SERPINA5: variants seen among roughly 807,000 people sequenced by gnomAD.
SERPINA5 encodes serpin family A member 5, also known as plasma serine protease inhibitor.
A neutral mutation model predicts 25.3 loss-of-function variants in SERPINA5; 25 were observed. The observed-to-expected ratio is 0.99, with a 90% confidence interval of 0.72 to 1.38. The LOEUF is 1.38. Among genes scored for constraint, SERPINA5 ranks in the 40% most tolerant of loss-of-function variants. The probability of loss-of-function intolerance (pLI) is 0.00; values close to 1 mark genes in which losing one functional copy is unlikely to be tolerated. For missense variants in SERPINA5, 599 were observed against 509.5 expected, an observed-to-expected ratio of 1.18 and a Z score of -1.69; for synonymous variants, 234 against 206.2, an observed-to-expected ratio of 1.14 and a Z score of -1.16.
Position 94,587,744 on chromosome 14 carries a change from A to C in SERPINA5, c.382A>C (p.Ser128Arg). ...CCAGCCCAGAGATGGCTTCCAGCTG[A>C]GCCTCGGCAATGCCCTTTTCACCGA... is the stretch of plus-strand genomic sequence containing the variant. ...LNQPRDGFQL[S>R]LGNALFTDLV... is the part of the protein sequence containing the mutation. The change falls in exon 3 of 6, where the codon AGC (serine) becomes CGC (arginine). Residue 128 changes from serine (S) to arginine (R), a missense_variant. Physicochemically the swap from Ser to Arg is moderately radical, Grantham distance 110 (BLOSUM62 -1). Coordinates refer to ENST00000329597, the MANE Select transcript of SERPINA5 (RefSeq NM_000624.6). The C allele has an allele frequency of 6.2e-7, 1 of 1,614,206 alleles. No individual in the cohort carries two copies. Among genetic ancestry groups the C allele is most frequent in the Non-Finnish European group, 8.5e-7 (1 of 1,180,044 alleles).
rs769779007 is a variant in SERPINA5, at chr14:94,592,145, G to A, written c.1127G>A (p.Arg376His). 4.4e-5 allele frequency: 71 copies of A among 1,613,992 alleles called. No homozygotes were observed. The highest frequency in any genetic ancestry group is 1.6e-4 in the South Asian group (15 of 91,082). ...ACAATATTCACTTTCAGGTCGGCCC[G>A]CCTGAACTCTCAGAGGCTAGTGTTC... ...TGTIFTFRSA[R>H]LNSQRLVFNR... Residue 376 changes from arginine (R) to histidine (H), a missense_variant, in exon 6 of 6, where the codon CGC becomes CAC. Physicochemically the swap from Arg to His is conservative, Grantham distance 29. Coordinates refer to ENST00000329597, the MANE Select transcript of SERPINA5 (RefSeq NM_000624.6).
intron 2 of SERPINA5, among the ~76,000 whole-genome samples, chr14:94,586,250 A>G (rs556209482): frequency 1.3e-5 from 2 of 152,224 alleles, no homozygotes; most frequent in Non-Finnish European, 2.9e-5. Context: ...GTGCCTCCTC[A>G]TCTGGAAGAT....
intron 2 of SERPINA5, among the ~76,000 whole-genome samples, chr14:94,583,020 T>G (rs945016909): frequency 3.3e-5 from 5 of 152,088 alleles, no homozygotes; most frequent in African/African-American, 1.2e-4. Flanking sequence ...GGACAGAACT[T>G]GCTGTGTTTG....
chr14:94,585,620 G>A (rs1885048523), intron 2 of SERPINA5, among the ~76,000 whole-genome samples: 1 of 152,158 alleles, frequency 6.6e-6, no homozygotes, highest in South Asian at 2.1e-4. Flanking sequence ...GGGATCTGGG[G>A]TCACTGATGA....
chr14:94,584,913 C>T (rs527982794), intron 2 of SERPINA5, among the ~76,000 whole-genome samples: 5 of 152,328 alleles, frequency 3.3e-5, no homozygotes, highest in East Asian at 1.9e-4. Flanking sequence ...AAGCACCCAC[C>T]TATGTCCTTC....
At chr14:94,583,947 A>G (rs1203866451) in intron 2 of SERPINA5, among the ~76,000 whole-genome samples, 1 of 152,234 alleles carries the variant, frequency 6.6e-6, no homozygotes, top group Non-Finnish European at 1.5e-5. Context: ...CCTGGATTTG[A>G]AACTAAGAAA....
At position 94,587,423 on chromosome 14, in the gene SERPINA5, C is replaced by A. The variant is rs183962439; in HGVS notation, c.61C>A (p.Arg21Ser). 1 of 1,613,988 alleles carries A rather than the reference C, an allele frequency of 6.2e-7. No homozygotes were observed. The highest frequency in any genetic ancestry group is 1.1e-5 in the South Asian group (1 of 91,074). The change falls in exon 3 of 6, where the codon CGC (arginine) becomes AGC (serine). Residue 21 changes from arginine (R) to serine (S), a missense_variant. Coordinates refer to ENST00000329597, the MANE Select transcript of SERPINA5 (RefSeq NM_000624.6). ...LLSPQGASLHRHHPREMKKRV... is the reference protein window; with the variant it reads ...LLSPQGASLHSHHPREMKKRV... Reference sequence around the variant, plus strand: ...CAGCCCTCAGGGGGCCTCCCTTCACCGCCACCACCCCCGGGAGATGAAGAA... The same window carrying A: ...CAGCCCTCAGGGGGCCTCCCTTCACAGCCACCACCCCCGGGAGATGAAGAA...
At chr14:94,591,616 C>CTTCTATTCTATTCTATTCTATTCTATT (rs1885305159) in intron 5 of SERPINA5, among the ~76,000 whole-genome samples, 1 of 21,524 alleles carries the variant, frequency 4.6e-5, no homozygotes, top group African/African-American at 1.8e-4. Context: ...TCTATTCTCT[C>CTTCTATTCTATTCTATTCTATTCTATT]CCTCTCCCTC....
Position 94,590,059 on chromosome 14 carries a change from T to G in SERPINA5, c.638T>G (p.Phe213Cys). The change falls in exon 4 of 6, where the codon TTC (phenylalanine) becomes TGC (cysteine). Residue 213 changes from phenylalanine (F) to cysteine (C), a missense_variant. By Grantham distance (205) the Phe-to-Cys change is radical. Transcript: ENST00000329597. ...IFFKAKWETS[F>C]NHKGTQEQDF... ...TCTTTAGCTAAGTGGGAGACAAGCT[T>G]CAACCACAAAGGCACCCAAGAGCAA... The G allele has an allele frequency of 6.3e-7, 1 of 1,586,084 alleles. No individual in the cohort carries two copies. The highest frequency in any genetic ancestry group is 8.6e-7 in the Non-Finnish European group (1 of 1,160,268).
chr14:94,585,283 G>A lies in SERPINA5; in HGVS notation c.-17-2063G>A, dbSNP rs542287123. On this transcript the variant is annotated intron_variant, in intron 2 of 5. Transcript: ENST00000329597. ...TGGCACAGTGCCTGAAAGAGGGTGC[G>A]GGCAATGCGCCCAACTGCTGTGGCT... 6.6e-5 allele frequency among the ~76,000 whole-genome samples: 10 copies of A among 152,254 alleles called. No individual in the cohort carries two copies. The South Asian group carries it at 1.0e-3, about 16-fold the overall frequency.
At chr14:94,583,121 C>T (rs1257499202) in intron 2 of SERPINA5, among the ~76,000 whole-genome samples, 1 of 152,192 alleles carries the variant, frequency 6.6e-6, no homozygotes, top group East Asian at 1.9e-4. Flanking sequence ...CACAGCAGCC[C>T]TAGTGGGTTA....
intron 3 of SERPINA5, among the ~76,000 whole-genome samples, chr14:94,588,481 C>T (rs1488220693): frequency 6.6e-6 from 1 of 152,140 alleles, no homozygotes; most frequent in African/African-American, 2.4e-5. Flanking sequence ...CAAGAGCTGA[C>T]CTCTGCTTAT....
At position 94,587,719 on chromosome 14, in the gene SERPINA5, C is replaced by T. The variant is rs113995240; in HGVS notation, c.357C>T (p.Asn119=). ...TTCAGCAGCTCCTTCAGGAACTCAA[C>T]CAGCCCAGAGATGGCTTCCAGCTGA... ...RGFQQLLQEL[N]QPRDGFQLSL... is the part of the protein sequence containing the mutation. Residue 119 remains asparagine, a synonymous_variant, in exon 3 of 6, where the codon AAC becomes AAT. Coordinates refer to ENST00000329597, the MANE Select transcript of SERPINA5 (RefSeq NM_000624.6). The T allele has an allele frequency of 3.4e-4, 553 of 1,614,228 alleles. 3 individuals carry two copies. In the African/African-American group the frequency reaches 5.9e-3, roughly 17 times the overall value.
chr14:94,592,112 C>T lies in SERPINA5; in HGVS notation c.1094C>T (p.Ala365Val), dbSNP rs372219406. Reference protein sequence around the residue: ...VDESGTRAAAATGTIFTFRSA... With the variant: ...VDESGTRAAAVTGTIFTFRSA... ...GAGTCGGGAACCAGAGCAGCGGCAGCCACGGGGACAATATTCACTTTCAGG... is the reference window on the plus strand; with the variant it reads ...GAGTCGGGAACCAGAGCAGCGGCAGTCACGGGGACAATATTCACTTTCAGG... The change falls in exon 6 of 6, where the codon GCC becomes GTC. Residue 365 changes from alanine to valine, a missense_variant. Ala to Val is a moderately conservative substitution (Grantham distance 64). Coordinates refer to ENST00000329597, the MANE Select transcript of SERPINA5 (RefSeq NM_000624.6). The T allele has an allele frequency of 4.9e-5, 79 of 1,614,018 alleles. No individual in the cohort carries two copies. The South Asian group carries it at 7.9e-4, about 16-fold the overall frequency.
At chr14:94,591,846 A>G (rs1885313631) in intron 5 of SERPINA5, among the ~76,000 whole-genome samples, 1 of 152,166 alleles carries the variant, frequency 6.6e-6, no homozygotes. Context: ...CAAAGATGCC[A>G]TGAGAATTCA....
chr14:94,592,077 G>A lies in SERPINA5; in HGVS notation c.1059G>A (p.Val353=). The part of the protein sequence containing the change: ...QVSEMVHKAV[V]EVDESGTRAA... ...TGCAGATGGTGCACAAAGCTGTGGT[G>A]GAGGTGGACGAGTCGGGAACCAGAG... Residue 353 remains valine, a synonymous_variant, in exon 6 of 6, where the codon GTG becomes GTA. Transcript: ENST00000329597. 1.9e-6 allele frequency: 3 copies of A among 1,613,514 alleles called. No homozygotes were observed. Among genetic ancestry groups the A allele is most frequent in the Non-Finnish European group, 2.5e-6 (3 of 1,179,656 alleles).
intron 2 of SERPINA5, among the ~76,000 whole-genome samples, chr14:94,585,503 C>A (rs2139924282): frequency 6.6e-6 from 1 of 152,310 alleles, no homozygotes; most frequent in South Asian, 2.1e-4. Context: ...CACTGCTGAG[C>A]CCCACGGCCA....
rs2069967 is a variant in SERPINA5 at position 94,586,668 on chromosome 14, G to A, written c.-17-678G>A. ...CACAATTCAGCCAGAACAGGAGGACGGTGGGGATGTCCACATGAAGAGGTT... is the reference window on the plus strand; with the variant it reads ...CACAATTCAGCCAGAACAGGAGGACAGTGGGGATGTCCACATGAAGAGGTT... On this transcript the variant is annotated intron_variant, in intron 2 of 5. Coordinates refer to ENST00000329597, the MANE Select transcript of SERPINA5 (RefSeq NM_000624.6). Among the ~76,000 whole-genome samples, 380 of 152,248 alleles carry A rather than the reference G, an allele frequency of 2.5e-3. 3 individuals carry two copies. Among genetic ancestry groups the A allele is most frequent in the African/African-American group, 9.0e-3 (372 of 41,526 alleles).
intron 5 of SERPINA5, among the ~76,000 whole-genome samples, chr14:94,591,293 T>C (rs1885280931): frequency 7.3e-6 from 1 of 136,536 alleles, no homozygotes; most frequent in African/African-American, 3.0e-5. Flanking sequence ...ACTCCTCCAC[T>C]CCACTCCACT....
Sources: allele counts gnomAD v4.1 joint callset (sites outside exome capture counted in the v4.1 genomes callset), GRCh38; gene constraint gnomAD v4.1.1; transcripts MANE v1.5; gene names NCBI Gene and HGNC (gene_info 2026-07-23, HGNC 2026-07-21).